Variants in MISFA observed in about 807,000 individuals in gnomAD.
MISFA encodes mitochondrial sheath formation associated, also known as mitochondrial sheath formation-associated protein.
At chr11:18,603,286 A>G in the MISFA span, 3 of 398,338 alleles carry the variant, frequency 7.5e-6, no homozygotes, top group East Asian at 1.1e-4. Context: ...CAACTCTAGT[A>G]ACATTAGAAA....
At chr11:18,603,223 A>C in the MISFA span, 6 of 398,960 alleles carry the variant, frequency 1.5e-5, no homozygotes, top group African/African-American at 1.2e-4. Flanking sequence ...TTTGTTCTCT[A>C]TTCCTACTTT....
chr11:18,605,479 A>C, the MISFA span, among the ~76,000 whole-genome samples: 2 of 152,166 alleles, frequency 1.3e-5, no homozygotes, highest in Non-Finnish European at 2.9e-5. Context: ...GTTATTTGGG[A>C]AGTTTGCTTA....
chr11:18,601,806 G>C, the MISFA span: 2 of 339,112 alleles, frequency 5.9e-6, no homozygotes, highest in Non-Finnish European at 1.1e-5. Context: ...TTCTAGCTAC[G>C]TGACCTTGGG....
chr11:18,599,845 T>C, the MISFA span: 1 of 397,804 alleles, frequency 2.5e-6, no homozygotes, highest in Non-Finnish European at 4.4e-6. Context: ...ACTGAAGGTT[T>C]CGTGAGCGCA....
chr11:18,604,376 C>T, the MISFA span, among the ~76,000 whole-genome samples: 2 of 151,950 alleles, frequency 1.3e-5, no homozygotes, highest in Non-Finnish European at 2.9e-5. Context: ...CCTAGTTTTG[C>T]CTGGCGCGAT....
the MISFA span, chr11:18,606,758 C>T: frequency 2.6e-6 from 1 of 390,322 alleles, no homozygotes. Flanking sequence ...TGCTATATCT[C>T]AGAAATTTAC....
At chr11:18,609,298 A>G in the MISFA span, 2 of 153,050 alleles carry the variant, frequency 1.3e-5, no homozygotes, top group Non-Finnish European at 2.9e-5. Context: ...AATTTATTCT[A>G]CTTTGTACTT....
chr11:18,606,538 A>C, the MISFA span: 1 of 203,096 alleles, frequency 4.9e-6, no homozygotes, highest in Non-Finnish European at 1.0e-5. Context: ...AATTTTTTTA[A>C]CTTGATTTGT....
the MISFA span, chr11:18,601,754 G>A: frequency 2.6e-5 from 10 of 383,158 alleles, no homozygotes; most frequent in Admixed American, 4.5e-5. Context: ...ACTGAAACTG[G>A]AGTTAACATT....
At chr11:18,601,443 A>G in the MISFA span, 1 of 388,264 alleles carries the variant, frequency 2.6e-6, no homozygotes, top group African/African-American at 2.2e-5. Context: ...TATTAATAGC[A>G]TTCTTTTTTT....
chr11:18,609,065 AT>A, the MISFA span: 1 of 152,354 alleles, frequency 6.6e-6, no homozygotes, highest in African/African-American at 2.4e-5. Flanking sequence ...TTTGAATAAA[AT>A]ATTTTTTCTT....
chr11:18,609,731 G>A, the MISFA span: 5 of 724,902 alleles, frequency 6.9e-6, no homozygotes, highest in Admixed American at 8.2e-5. Context: ...GCCTGCAAAT[G>A]ACAGTATGCA....
At chr11:18,606,954 AG>A in the MISFA span, 2 of 296,464 alleles carry the variant, frequency 6.7e-6, no homozygotes, top group African/African-American at 2.4e-5. Flanking sequence ...TCCGCCTCCC[AG>A]GTTCTAGCGA....
the MISFA span, chr11:18,601,446 CTTT>C: frequency 2.0e-4 from 73 of 371,076 alleles, no homozygotes; most frequent in Middle Eastern, 6.6e-4. Context: ...TAATAGCATT[CTTT>C]TTTTTTTTTT....
At chr11:18,600,911 G>A in the MISFA span, among the ~76,000 whole-genome samples, 1 of 152,168 alleles carries the variant, frequency 6.6e-6, no homozygotes, top group Admixed American at 6.6e-5. Flanking sequence ...CAAGGGGTCT[G>A]CTGGAGACCG....
the MISFA span, chr11:18,606,664 G>A: frequency 2.5e-6 from 1 of 396,154 alleles, no homozygotes; most frequent in South Asian, 1.9e-5. Context: ...ATAAATAGTA[G>A]TCTAATATAT....
At chr11:18,606,743 T>G in the MISFA span, 64 of 398,576 alleles carry the variant, frequency 1.6e-4, no homozygotes, top group Non-Finnish European at 2.9e-4. Flanking sequence ...CATGTTTTGG[T>G]CTCCTGCTAT....
chr11:18,609,251 T>C, the MISFA span: 1 of 152,680 alleles, frequency 6.5e-6, no homozygotes, highest in Non-Finnish European at 1.5e-5. Flanking sequence ...CCTAAATTAA[T>C]GAGTAAGAAT....
the MISFA span, chr11:18,602,935 C>G: frequency 2.6e-6 from 1 of 388,894 alleles, no homozygotes. Context: ...GGTGTCTGAG[C>G]TCTGCCCCCC....
Sources: allele counts gnomAD v4.1 joint callset (sites outside exome capture counted in the v4.1 genomes callset), GRCh38; gene constraint gnomAD v4.1.1; transcripts MANE v1.5; gene names NCBI Gene and HGNC (gene_info 2026-07-23, HGNC 2026-07-21).